The following CFAP46 variants were observed in gnomAD, a reference collection of about 807,000 sequenced individuals.
CFAP46 encodes cilia and flagella associated protein 46.
A neutral mutation model predicts 325.7 loss-of-function variants in CFAP46; 245 were observed. The observed-to-expected ratio is 0.75, with a 90% CI of 0.68 to 0.84. CFAP46 has a LOEUF of 0.84. CFAP46 is among the 40% of genes least tolerant of loss of function. CFAP46 has a pLI of 0.00. For synonymous variants in CFAP46, 1,523 were observed against 1,495.9 expected (o/e 1.02, Z -0.42); for missense variants, 3,346 against 3,543.0 (o/e 0.94, Z 1.41).
intron 36 of CFAP46, 42 bp downstream of exon 36, chr10:132,860,740 C>A (rs749330141): frequency 5.0e-5 from 77 of 1,541,820 alleles, no homozygotes; most frequent in Middle Eastern, 2.0e-4. Context: ...AAGCACCTGG[C>A]CCGGCACCCG....
At position 132,810,694 on chromosome 10, in the gene CFAP46, G is replaced by A. The variant is rs112330579; in HGVS notation, c.7584-205C>T. On this transcript the variant is annotated intron_variant, in intron 56 of 57. Transcript: ENST00000368586. ...GGCTCAGCAGGATGGCCGCCTCAAC[G>A]GGCTCCTCCAGGGACAGCTGTGAGG... 208 of 731,538 alleles carry A rather than the reference G, an allele frequency of 2.8e-4. 1 individual carries two copies. The highest frequency in any genetic ancestry group is 9.6e-4 in the African/African-American group (55 of 57,580). The allele number at this position is 731,538 out of a possible 1,614,324, so 45.3% of individuals were successfully genotyped here.
At chr10:132,821,931 GA>G (rs1847848273) in intron 50 of CFAP46, among the ~76,000 whole-genome samples, 1 of 136,782 alleles carries the variant, frequency 7.3e-6, no homozygotes. Context: ...TGTGTGCGCT[GA>G]TGTGTGCTGT....
At chr10:132,855,425 G>C (rs967839366) in intron 39 of CFAP46, among the ~76,000 whole-genome samples, 1 of 152,086 alleles carries the variant, frequency 6.6e-6, no homozygotes, top group Admixed American at 6.5e-5. Context: ...AATATTTAAA[G>C]TGGCTTTCTT....
At chr10:132,871,614 G>C (rs1421754338) in intron 32 of CFAP46, among the ~76,000 whole-genome samples, 2 of 152,206 alleles carry the variant, frequency 1.3e-5, no homozygotes, top group African/African-American at 4.8e-5. Flanking sequence ...GGAGGAAATA[G>C]CAAGAGAAGT....
chr10:132,822,802 C>CTGTGTGTG (rs1847902199), intron 50 of CFAP46, among the ~76,000 whole-genome samples: 4 of 54,590 alleles, frequency 7.3e-5, no homozygotes, highest in Admixed American at 6.4e-4. Flanking sequence ...TGTGTGTGTG[C>CTGTGTGTG]TGATGTGTGC....
intron 22 of CFAP46, among the ~76,000 whole-genome samples, chr10:132,906,347 C>T (rs1262961106): frequency 6.6e-6 from 1 of 152,260 alleles, no homozygotes; most frequent in African/African-American, 2.4e-5. Flanking sequence ...TGCCACTCAC[C>T]CCAGCTGGGT....
At chr10:132,831,326 T>C (rs112932995) in intron 50 of CFAP46, among the ~76,000 whole-genome samples, 3 of 152,092 alleles carry the variant, frequency 2.0e-5, no homozygotes, top group Non-Finnish European at 4.4e-5. Context: ...GTTCCATCAC[T>C]GTTGAGAAAG....
intron 25 of CFAP46, 42 bp downstream of exon 25, chr10:132,892,291 C>T (rs1849264204): frequency 6.5e-7 from 1 of 1,535,350 alleles, no homozygotes; most frequent in Non-Finnish European, 8.8e-7. Flanking sequence ...CTTCCCTTTC[C>T]TTGTACCTGG....
Position 132,808,676 on chromosome 10 carries a change from C to T in CFAP46, c.7893G>A (p.Gln2631=). ...AGAGGCCCAGGAAGGGGAGAGCGAG[C>T]TGGGAGCTGGGGATGGGAGCCGGGA... ...PHLPAPIPSS[Q]LALPFLGLSP... Residue 2631 remains glutamine, a synonymous_variant, in exon 58 of 58, where the codon CAG becomes CAA. Coordinates refer to ENST00000368586, the MANE Select transcript of CFAP46 (RefSeq NM_001200049.3). The surrounding 1 kb of genome is among the most constrained non-coding windows in gnomAD (Gnocchi z 6.8). 6.3e-7 allele frequency: 1 copy of T among 1,578,230 alleles called. No individual in the cohort carries two copies. The highest frequency in any genetic ancestry group is 1.3e-5 in the African/African-American group (1 of 74,076).
intron 44 of CFAP46, among the ~76,000 whole-genome samples, chr10:132,840,078 G>T (rs777851054): frequency 6.6e-6 from 1 of 152,324 alleles, no homozygotes; most frequent in Admixed American, 6.5e-5. Context: ...AGAATTTACT[G>T]GTGAAGCCAG....
intron 31 of CFAP46, among the ~76,000 whole-genome samples, chr10:132,875,221 AT>A (rs1171181175): frequency 6.7e-6 from 1 of 149,988 alleles, no homozygotes; most frequent in African/African-American, 2.5e-5. Context: ...ACTCTGGTCT[AT>A]TGTTAAGAGA....
At chr10:132,887,512 TCTCTCTCCTCTC>T (rs1476640899) in intron 25 of CFAP46, among the ~76,000 whole-genome samples, 4 of 96,064 alleles carry the variant, frequency 4.2e-5, no homozygotes, top group Admixed American at 2.1e-4. Flanking sequence ...TCCTCTCCTC[TCTCTCTCCTCTC>T]CTCTCTCCTC....
chr10:132,931,822 T>TCCA, intron 8 of CFAP46, among the ~76,000 whole-genome samples: 1 of 82,860 alleles, frequency 1.2e-5, no homozygotes, highest in East Asian at 3.6e-4. Flanking sequence ...GCCTGGGCCT[T>TCCA]CCTCTTCCCC....
intron 22 of CFAP46, among the ~76,000 whole-genome samples, chr10:132,906,879 G>A (rs1028027739): frequency 4.6e-5 from 7 of 152,242 alleles, no homozygotes; most frequent in Middle Eastern, 3.4e-3. Context: ...GAGTGAATGG[G>A]GTCCTGGCGC....
In CFAP46 at chr10:132,876,231, C is replaced by T. The variant is rs117709454; in HGVS notation, c.4362+581G>A. Among the ~76,000 whole-genome samples, 6,050 of 152,324 alleles carry T rather than the reference C, an allele frequency of 0.04. 177 individuals carry two copies. The highest frequency in any genetic ancestry group is 0.061 in the Non-Finnish European group (4,133 of 68,014). ...CTGCGCAGGGCCACTCTACCCACAGCGGGCACGGCAGTGAACTGAATGACC... is the reference window on the plus strand; with the variant it reads ...CTGCGCAGGGCCACTCTACCCACAGTGGGCACGGCAGTGAACTGAATGACC... On this transcript the variant is annotated intron_variant, in intron 31 of 57. Transcript: ENST00000368586. The surrounding 1 kb of genome is among the most constrained non-coding windows in gnomAD (Gnocchi z 4.1).
At chr10:132,892,014 G>A (rs1335459575) in intron 25 of CFAP46, among the ~76,000 whole-genome samples, 3 of 152,154 alleles carry the variant, frequency 2.0e-5, no homozygotes, top group Non-Finnish European at 2.9e-5. Flanking sequence ...TCCAGGGGCT[G>A]TGTCACGGGT....
intron 50 of CFAP46, among the ~76,000 whole-genome samples, chr10:132,824,315 C>T (rs368407178): frequency 0.016 from 1,535 of 94,020 alleles, 8 homozygotes; most frequent in South Asian, 0.043. Context: ...GCTGTGTGTG[C>T]ACTGATGTGT....
chr10:132,887,289 CTTCTT>C (rs1849156350), intron 25 of CFAP46, among the ~76,000 whole-genome samples: 1 of 116,924 alleles, frequency 8.6e-6, no homozygotes, highest in African/African-American at 4.1e-5. Context: ...CTCCTCCCCT[CTTCTT>C]TCCTCTCCCC....
rs985110155 is a variant in CFAP46 at position 132,822,784 on chromosome 10, G to A, written c.7118-7870C>T. Among the ~76,000 whole-genome samples, 543 of 99,786 alleles carry A rather than the reference G, an allele frequency of 5.4e-3. 3 individuals are homozygous for A. Among genetic ancestry groups the A allele is most frequent in the Middle Eastern group, 0.022 (3 of 134 alleles). The allele number at this position is 99,786 out of a possible 152,430, so 65.5% of individuals were successfully genotyped here. ...GCTGATGTGTGCTGTGTGTGCACTT[G>A]TGTGTGCTGTGTGTGTGCTGATGTG... is the stretch of plus-strand genomic sequence containing the variant. On this transcript the variant is annotated intron_variant, in intron 50 of 57. Coordinates refer to ENST00000368586, the MANE Select transcript of CFAP46 (RefSeq NM_001200049.3).
Sources: gnomAD v4.1 joint callset for allele counts (sites outside exome capture counted in the v4.1 genomes callset) on GRCh38, gnomAD v4.1.1 for gene constraint, Gnocchi (gnomAD v3.1) non-coding constraint, MANE v1.5 for transcripts, NCBI Gene and HGNC (gene_info 2026-07-23, HGNC 2026-07-21) for gene names.